Variants in CREBRF observed in about 807,000 individuals in gnomAD.
The protein encoded by CREBRF is CREB3 regulatory factor.
CREBRF carries 5 observed loss-of-function variants against 66.1 expected under a neutral mutation model. The observed-to-expected ratio is 0.08, with a 90% CI of 0.04 to 0.16. The LOEUF (loss-of-function observed/expected upper bound fraction) is 0.16. CREBRF is among the 10% of genes least tolerant of loss of function. The pLI is 1.00. For synonymous variants in CREBRF, 229 were observed against 264.4 expected (o/e 0.87, Z 1.30); for missense variants, 531 against 744.9 (o/e 0.71, Z 3.34).
intron 4 of CREBRF, among the ~76,000 whole-genome samples, chr5:173,096,550 T>A (rs1758483533): frequency 7.2e-6 from 1 of 138,708 alleles, no homozygotes; most frequent in South Asian, 2.6e-4. Flanking sequence ...TTCCCTTTCC[T>A]TTCCTTTTGC....
chr5:173,069,170 G>A (rs1757526670), intron 1 of CREBRF, among the ~76,000 whole-genome samples: 1 of 152,072 alleles, frequency 6.6e-6, no homozygotes, highest in Admixed American at 6.5e-5. Context: ...GAATAGATCT[G>A]AGAATAAAAA....
intron 4 of CREBRF, among the ~76,000 whole-genome samples, chr5:173,102,949 T>C (rs1051566568): frequency 1.3e-5 from 2 of 152,200 alleles, no homozygotes; most frequent in African/African-American, 4.8e-5. Context: ...CTTGACTTCA[T>C]TCCTTCTGGA....
At chr5:173,100,350 A>G (rs1758597970) in intron 4 of CREBRF, among the ~76,000 whole-genome samples, 2 of 151,258 alleles carry the variant, frequency 1.3e-5, no homozygotes, top group African/African-American at 4.9e-5. Context: ...TTTGCATACC[A>G]CTGTTACAGT....
chr5:173,079,643 G>A (rs1757873148), intron 1 of CREBRF, among the ~76,000 whole-genome samples: 1 of 152,064 alleles, frequency 6.6e-6, no homozygotes. Context: ...TCAAACTTTA[G>A]AGAGGACCAC....
chr5:173,131,059 A>G (rs1382092095), intron 8 of CREBRF, among the ~76,000 whole-genome samples: 1 of 152,164 alleles, frequency 6.6e-6, no homozygotes, highest in Non-Finnish European at 1.5e-5. Context: ...TGTGTTGCCC[A>G]GGCTAAGCTC....
At chr5:173,075,600 T>C (rs1181980772) in intron 1 of CREBRF, among the ~76,000 whole-genome samples, 1 of 152,172 alleles carries the variant, frequency 6.6e-6, no homozygotes, top group Non-Finnish European at 1.5e-5. Flanking sequence ...CCTAGTTTGC[T>C]AAAGAGCTTG....
intron 1 of CREBRF, among the ~76,000 whole-genome samples, chr5:173,060,751 A>G (rs1040903603): frequency 9.2e-5 from 14 of 151,818 alleles, no homozygotes; most frequent in Non-Finnish European, 2.9e-5. Context: ...AACAGGATCA[A>G]ATAGTTAATA....
chr5:173,129,224 C>T (rs1189798063), intron 8 of CREBRF, among the ~76,000 whole-genome samples: 2 of 140,502 alleles, frequency 1.4e-5, no homozygotes, highest in African/African-American at 5.4e-5. Context: ...TCAAGCGATT[C>T]TCCTGCCTCA....
intron 1 of CREBRF, 49 bp from the exon 2 acceptor site, chr5:173,080,536 A>G (rs1323919602): frequency 5.6e-6 from 3 of 539,670 alleles, no homozygotes; most frequent in East Asian, 5.8e-5. Context: ...TTGAAACATC[A>G]ACTTGTTTTT....
intron 1 of CREBRF, among the ~76,000 whole-genome samples, chr5:173,064,674 C>T (rs1048466607): frequency 1.3e-5 from 2 of 151,734 alleles, no homozygotes; most frequent in African/African-American, 2.4e-5. Flanking sequence ...AAGCGATTCT[C>T]CTGCCTCAGC....
intron 3 of CREBRF, 149 bp downstream of exon 3, chr5:173,086,775 ATT>A (rs1758160683): frequency 2.1e-6 from 1 of 466,974 alleles, no homozygotes; most frequent in Non-Finnish European, 3.3e-6. Context: ...TTATTTATTT[ATT>A]TTTATTTTTA....
At chr5:173,062,366 C>T (rs567246558) in intron 1 of CREBRF, among the ~76,000 whole-genome samples, 1 of 152,212 alleles carries the variant, frequency 6.6e-6, no homozygotes, top group South Asian at 2.1e-4. Flanking sequence ...CTGAGAACTG[C>T]TTATCTGGAA....
intron 1 of CREBRF, among the ~76,000 whole-genome samples, chr5:173,058,201 CTT>C (rs1235232584): frequency 6.6e-6 from 1 of 152,066 alleles, no homozygotes; most frequent in African/African-American, 2.4e-5. Flanking sequence ...TCGAAAATAA[CTT>C]ATTTTAATCT....
chr5:173,078,911 CT>C (rs1757850551), intron 1 of CREBRF, among the ~76,000 whole-genome samples: 2 of 152,188 alleles, frequency 1.3e-5, no homozygotes, highest in Admixed American at 1.3e-4. Flanking sequence ...CAAGATTATA[CT>C]GATCCACTTT....
At chr5:173,074,301 C>CAAAAAAA (rs34804335) in intron 1 of CREBRF, among the ~76,000 whole-genome samples, 6 of 126,380 alleles carry the variant, frequency 4.7e-5, no homozygotes, top group South Asian at 2.6e-4. Context: ...AAGTCTGTCT[C>CAAAAAAA]AAAAAAAAAA....
At position 173,136,011 on chromosome 5, in the gene CREBRF, A is replaced by C. The variant is rs1022184328; in HGVS notation, c.*2266A>C. On this transcript the variant is annotated 3_prime_UTR_variant, in exon 9 of 9. Transcript: ENST00000296953. ...TGGAGAAGGCAAAACACAGGCTTGC[A>C]AGTTGGAAGTATATGAAGTCTTGAC... The C allele has an allele frequency of 6.6e-6, 1 of 152,360 alleles. No individual in the cohort carries two copies. Among genetic ancestry groups the C allele is most frequent in the Non-Finnish European group, 1.5e-5 (1 of 67,936 alleles). 9.4% of individuals were successfully genotyped at this position (152,360 alleles called of 1,614,324 possible). A position where few individuals can be genotyped will look rare whatever the true frequency, so the allele number is the denominator to read the frequency against.
At chr5:173,115,183 C>T (rs1048643803) in intron 7 of CREBRF, among the ~76,000 whole-genome samples, 5 of 151,310 alleles carry the variant, frequency 3.3e-5, no homozygotes, top group South Asian at 4.2e-4. Flanking sequence ...CTCGGCTCAC[C>T]GCAACCTCTG....
At chr5:173,096,783 G>A (rs1758489441) in intron 4 of CREBRF, among the ~76,000 whole-genome samples, 1 of 151,878 alleles carries the variant, frequency 6.6e-6, no homozygotes, top group African/African-American at 2.4e-5. Context: ...AAAGCATGTT[G>A]ATTTTTTAAA....
chr5:173,119,654 A>G (rs1759090682), intron 7 of CREBRF, among the ~76,000 whole-genome samples: 1 of 152,196 alleles, frequency 6.6e-6, no homozygotes, highest in Non-Finnish European at 1.5e-5. Context: ...TGTCTAGAAC[A>G]GCCACAATAT....
Sources: gnomAD v4.1 joint callset for allele counts (sites outside exome capture counted in the v4.1 genomes callset) on GRCh38, gnomAD v4.1.1 for gene constraint, MANE v1.5 for transcripts, NCBI Gene and HGNC (gene_info 2026-07-23, HGNC 2026-07-21) for gene names.